The following MTNR1A variants were observed in gnomAD, a reference collection of about 807,000 sequenced individuals.
MTNR1A encodes the protein melatonin receptor 1A.
Under a neutral mutation model 5.5 loss-of-function variants are expected in MTNR1A, and 7 were observed. The observed-to-expected ratio is 1.28, with a 90% confidence interval of 0.73 to 2.40. The LOEUF (loss-of-function observed/expected upper bound fraction) is 2.40. Ranked by LOEUF, MTNR1A falls within the 30% of genes most tolerant of loss-of-function variation. MTNR1A has a pLI of 0.00. For synonymous variants in MTNR1A, 196 were observed against 202.7 expected, an observed-to-expected ratio of 0.97 and a Z score of 0.28; for missense variants, 441 against 464.4, an observed-to-expected ratio of 0.95 and a Z score of 0.46.
At chr4:186,536,773 A>T (rs542183834) in intron 1 of MTNR1A, among the ~76,000 whole-genome samples, 43 of 152,386 alleles carry the variant, frequency 2.8e-4, no homozygotes, top group African/African-American at 9.9e-4. Context: ...GTATTCATCC[A>T]AATTAAAGTT....
At position 186,534,538 on chromosome 4, in the gene MTNR1A, G is replaced by T. The variant is rs372568159; in HGVS notation, c.204C>A (p.Ser68Arg). Reference protein sequence around the residue: ...LRNAGNIFVVSLAVADLVVAI... With the variant: ...LRNAGNIFVVRLAVADLVVAI... The stretch of plus-strand genomic sequence containing the variant: ...CCACCACCAGGTCTGCCACCGCTAA[G>T]CTCACCACAAAGATGTTTCCTGAAA... The change falls in exon 2 of 2, where the codon AGC (serine) becomes AGA (arginine). Residue 68 changes from serine (S) to arginine (R), a missense_variant. Physicochemically the swap from Ser to Arg is moderately radical, Grantham distance 110. Coordinates refer to ENST00000307161, the MANE Select transcript of MTNR1A (RefSeq NM_005958.4). 1.7e-5 allele frequency: 28 copies of T among 1,612,580 alleles called. No individual in the cohort carries two copies. Among genetic ancestry groups the T allele is most frequent in the African/African-American group, 2.7e-5 (2 of 74,908 alleles).
intron 1 of MTNR1A, among the ~76,000 whole-genome samples, chr4:186,546,379 A>G (rs1189327824): frequency 6.8e-6 from 1 of 148,112 alleles, no homozygotes; most frequent in African/African-American, 2.5e-5. Context: ...CCTTCCACAC[A>G]CGGCTCTCCA....
Position 186,533,715 on chromosome 4 carries a change from T to C in MTNR1A, c.1027A>G (p.Asn343Asp). 16 of 1,614,134 alleles carry C rather than the reference T, an allele frequency of 9.9e-6. No homozygotes were observed. The highest frequency in any genetic ancestry group is 1.4e-5 in the Non-Finnish European group (16 of 1,180,046). ...WKPSPLMTNNNVVKVDSV is the reference protein window; with the variant it reads ...WKPSPLMTNNDVVKVDSV ...TAAACGGAGTCCACCTTTACTACAT[T>C]ATTGTTGGTCATCAGTGGAGACGGT... The change falls in exon 2 of 2, where the codon AAT becomes GAT. Residue 343 changes from asparagine to aspartate, a missense_variant. Coordinates refer to ENST00000307161, the MANE Select transcript of MTNR1A (RefSeq NM_005958.4).
At chr4:186,548,821 A>C (rs927633903) in intron 1 of MTNR1A, among the ~76,000 whole-genome samples, 4 of 83,550 alleles carry the variant, frequency 4.8e-5, no homozygotes, top group African/African-American at 1.9e-4. Flanking sequence ...ATATATATAT[A>C]TATATATATA....
chr4:186,538,449 C>T (rs530849392), intron 1 of MTNR1A, among the ~76,000 whole-genome samples: 1 of 152,290 alleles, frequency 6.6e-6, no homozygotes, highest in South Asian at 2.1e-4. Context: ...AAGCTCGGCA[C>T]TCCGAGTCTC....
At chr4:186,544,380 C>G (rs1215106109) in intron 1 of MTNR1A, among the ~76,000 whole-genome samples, 1 of 152,166 alleles carries the variant, frequency 6.6e-6, no homozygotes, top group African/African-American at 2.4e-5. Context: ...CTAGTAAAAG[C>G]CTTAACTAAG....
intron 1 of MTNR1A, 58 bp from the exon 2 acceptor site, chr4:186,534,615 T>C: frequency 1.3e-6 from 2 of 1,582,432 alleles, no homozygotes; most frequent in Non-Finnish European, 1.7e-6. Flanking sequence ...GGTTTTCTGT[T>C]ACAATTGTTA....
intron 1 of MTNR1A, among the ~76,000 whole-genome samples, chr4:186,535,099 G>C (rs1019552714): frequency 2.0e-5 from 3 of 152,058 alleles, no homozygotes; most frequent in African/African-American, 2.4e-5. Flanking sequence ...CTGTCCAACC[G>C]GGGCAAGTTA....
intron 1 of MTNR1A, among the ~76,000 whole-genome samples, chr4:186,553,439 A>T (rs1027934605): frequency 6.6e-6 from 1 of 152,242 alleles, no homozygotes; most frequent in Non-Finnish European, 1.5e-5. Flanking sequence ...AGTGAGTGTA[A>T]GGAGTTCTTA....
At chr4:186,540,399 A>G (rs116091856) in intron 1 of MTNR1A, among the ~76,000 whole-genome samples, 1 of 152,372 alleles carries the variant, frequency 6.6e-6, no homozygotes, top group African/African-American at 2.4e-5. Flanking sequence ...TGTGGAACCC[A>G]TGGATATGGA....
intron 1 of MTNR1A, among the ~76,000 whole-genome samples, chr4:186,541,817 G>A (rs1737031400): frequency 6.6e-6 from 1 of 152,132 alleles, no homozygotes; most frequent in Non-Finnish European, 1.5e-5. Context: ...TGTCTTCCAT[G>A]AAACCAGTCC....
At chr4:186,535,640 G>A (rs539781639) in intron 1 of MTNR1A, among the ~76,000 whole-genome samples, 3 of 152,182 alleles carry the variant, frequency 2.0e-5, no homozygotes, top group Non-Finnish European at 4.4e-5. Flanking sequence ...CAAACTCCTG[G>A]GCTCCAGCCA....
chr4:186,538,797 C>T (rs935266486), intron 1 of MTNR1A, among the ~76,000 whole-genome samples: 5 of 152,280 alleles, frequency 3.3e-5, no homozygotes, highest in Admixed American at 2.0e-4. Flanking sequence ...AGGATGGTTT[C>T]TCTGTATTGG....
intron 1 of MTNR1A, among the ~76,000 whole-genome samples, chr4:186,549,143 G>A (rs1208433068): frequency 6.6e-6 from 1 of 151,900 alleles, no homozygotes; most frequent in Non-Finnish European, 1.5e-5. Context: ...GATGGATATA[G>A]GAGGCATCCA....
intron 1 of MTNR1A, among the ~76,000 whole-genome samples, chr4:186,549,393 T>C (rs1737222473): frequency 6.6e-6 from 1 of 152,212 alleles, no homozygotes; most frequent in Non-Finnish European, 1.5e-5. Context: ...CAGTGTGTTC[T>C]TCACTAATAG....
At chr4:186,553,435 T>G (rs763017452) in intron 1 of MTNR1A, among the ~76,000 whole-genome samples, 1 of 152,278 alleles carries the variant, frequency 6.6e-6, no homozygotes, top group Non-Finnish European at 1.5e-5. Context: ...ACAAAGTGAG[T>G]GTAAGGAGTT....
intron 1 of MTNR1A, among the ~76,000 whole-genome samples, chr4:186,550,161 C>T (rs75450383): frequency 0.012 from 1,796 of 152,280 alleles, 36 homozygotes; most frequent in African/African-American, 0.04. Context: ...ATATCACATA[C>T]AGCGCTCAGG....
Position 186,534,106 on chromosome 4 carries a change from G to T in MTNR1A, c.636C>A (p.Ile212=). 6.2e-7 allele frequency: 1 copy of T among 1,614,152 alleles called. No individual in the cohort carries two copies. Reference sequence around the variant, plus strand: ...CCCTCTGTCTGACCTGGAGAACCAGGATCCATATTCTCAGGTAACAGAAGA... The same window carrying T: ...CCCTCTGTCTGACCTGGAGAACCAGTATCCATATTCTCAGGTAACAGAAGA... The part of the protein sequence containing the change: ...IVIFCYLRIW[I]LVLQVRQRVK... Residue 212 remains isoleucine (I), a synonymous_variant, in exon 2 of 2, where the codon ATC becomes ATA. Coordinates refer to ENST00000307161, the MANE Select transcript of MTNR1A (RefSeq NM_005958.4).
chr4:186,553,756 C>T (rs188453408), intron 1 of MTNR1A, among the ~76,000 whole-genome samples: 1,780 of 152,330 alleles, frequency 0.012, 32 homozygotes, highest in African/African-American at 0.041. Context: ...AGGCGATCCA[C>T]CCACCTCGGC....
Sources: gnomAD v4.1 joint callset for allele counts (sites outside exome capture counted in the v4.1 genomes callset) on GRCh38, gnomAD v4.1.1 for gene constraint, MANE v1.5 for transcripts, NCBI Gene and HGNC (gene_info 2026-07-23, HGNC 2026-07-21) for gene names.